The following POU6F2 variants were observed in gnomAD, a reference collection of about 807,000 sequenced individuals.
POU6F2 encodes POU class 6 homeobox 2.
A neutral mutation model predicts 71.3 loss-of-function variants in POU6F2; 31 were observed. That is an observed-to-expected ratio of 0.43 (90% CI 0.33 to 0.59). The LOEUF (loss-of-function observed/expected upper bound fraction) is 0.59, where lower values mean the gene tolerates loss of function less well. Ranked by LOEUF, POU6F2 falls within the 20% of genes least tolerant of loss-of-function variation. The pLI, the probability that POU6F2 is intolerant of heterozygous loss-of-function variation, is 0.04. For missense variants in POU6F2, 783 were observed against 856.8 expected (o/e 0.91, Z 1.07); for synonymous variants, 347 against 355.7 (o/e 0.98, Z 0.27).
intron 1 of POU6F2, among the ~76,000 whole-genome samples, chr7:39,051,143 A>G (rs893049633): frequency 7.1e-6 from 1 of 140,492 alleles, no homozygotes; most frequent in Non-Finnish European, 1.5e-5. Flanking sequence ...CATCTAGGAG[A>G]AGACAGAATT....
At chr7:39,133,000 G>C (rs1256862506) in intron 2 of POU6F2, among the ~76,000 whole-genome samples, 2 of 152,168 alleles carry the variant, frequency 1.3e-5, no homozygotes, top group Non-Finnish European at 2.9e-5. Flanking sequence ...TTTGACAAAA[G>C]TCCTGTAGAT....
At chr7:39,322,727 T>A (rs79536341) in intron 4 of POU6F2, among the ~76,000 whole-genome samples, 1 of 152,266 alleles carries the variant, frequency 6.6e-6, no homozygotes, top group African/African-American at 2.4e-5. Context: ...AGGATATGGC[T>A]CCAGATGCAT....
intron 5 of POU6F2, among the ~76,000 whole-genome samples, chr7:39,376,286 A>T (rs1415325552): frequency 6.6e-6 from 1 of 152,232 alleles, no homozygotes; most frequent in African/African-American, 2.4e-5. Flanking sequence ...TGCTCACTTA[A>T]GGACAGCAAA....
At chr7:39,100,382 T>C (rs1013195517) in intron 2 of POU6F2, among the ~76,000 whole-genome samples, 3 of 152,214 alleles carry the variant, frequency 2.0e-5, no homozygotes, top group Non-Finnish European at 4.4e-5. Flanking sequence ...CACATTTTGG[T>C]TGAGATCCGT....
At position 39,339,997 on chromosome 7, in the gene POU6F2, G is replaced by A. The variant is rs774648361; in HGVS notation, c.954G>A (p.Thr318=). Residue 318 remains threonine, a synonymous_variant, in exon 5 of 10, where the codon ACG becomes ACA. Coordinates refer to ENST00000518318, the MANE Select transcript of POU6F2 (RefSeq NM_001370959.1). ...GACATGGCCTGCCTTCACCGCTCAC[G>A]CCACCCAATCCTCTACAGGTATGCT... ...SPGHGLPSPL[T]PPNPLQLVNN... is the part of the protein sequence containing the mutation. 1.2e-5 allele frequency: 19 copies of A among 1,611,198 alleles called. No homozygotes were observed. Among genetic ancestry groups the A allele is most frequent in the East Asian group, 6.7e-5 (3 of 44,828 alleles).
Position 39,467,543 on chromosome 7 carries a change from G to T in POU6F2, c.*2857G>T, listed in dbSNP as rs779326009. The T allele has an allele frequency of 6.6e-6, 1 of 152,144 alleles. No homozygotes were observed. Among genetic ancestry groups the T allele is most frequent in the Non-Finnish European group, 1.5e-5 (1 of 68,014 alleles). 9.4% of individuals were successfully genotyped at this position (152,144 alleles called of 1,614,324 possible). The stretch of plus-strand genomic sequence containing the variant: ...TTTTCTCACATAATTTTTAATTATT[G>T]TTATCTGCATTTTCATTACTTCATG... On this transcript the variant is annotated 3_prime_UTR_variant, in exon 10 of 10. Transcript: ENST00000518318.
chr7:39,299,631 A>G (rs1326342171), intron 4 of POU6F2, among the ~76,000 whole-genome samples: 3 of 152,336 alleles, frequency 2.0e-5, no homozygotes, highest in Non-Finnish European at 4.4e-5. Context: ...GAATGTTGAA[A>G]TCTAAAAATC....
At chr7:39,306,296 A>G (rs1419805502) in intron 4 of POU6F2, among the ~76,000 whole-genome samples, 1 of 152,242 alleles carries the variant, frequency 6.6e-6, no homozygotes, top group Non-Finnish European at 1.5e-5. Flanking sequence ...ATAAACTCAC[A>G]AAGGAAATAA....
At chr7:39,283,392 C>T (rs561368962) in intron 4 of POU6F2, among the ~76,000 whole-genome samples, 2 of 152,154 alleles carry the variant, frequency 1.3e-5, no homozygotes, top group East Asian at 1.9e-4. Flanking sequence ...TCATCCCAAA[C>T]TCAAGCTCAG....
Position 39,202,462 on chromosome 7 carries a change from A to T in POU6F2, c.278-1773A>T, listed in dbSNP as rs904735018. 3.9e-5 allele frequency among the ~76,000 whole-genome samples: 6 copies of T among 152,356 alleles called. 1 individual carries two copies. Among genetic ancestry groups the T allele is most frequent in the East Asian group, 1.9e-4 (1 of 5,192 alleles). On this transcript the variant is annotated intron_variant, in intron 2 of 9. Transcript: ENST00000518318. Reference sequence around the variant, plus strand: ...AGTATGGGAAAACAACCAAATTTTTAAAAAATTGTGCATTTTTAGCCATTT... The same window carrying T: ...AGTATGGGAAAACAACCAAATTTTTTAAAAATTGTGCATTTTTAGCCATTT...
At chr7:39,032,918 G>A (rs1789977857) in intron 1 of POU6F2, among the ~76,000 whole-genome samples, 1 of 152,184 alleles carries the variant, frequency 6.6e-6, no homozygotes, top group South Asian at 2.1e-4. Context: ...GGATTCTCAG[G>A]CCTCAGCGTG....
chr7:39,222,376 A>G (rs1257862519), intron 4 of POU6F2, among the ~76,000 whole-genome samples: 1 of 152,212 alleles, frequency 6.6e-6, no homozygotes, highest in African/African-American at 2.4e-5. Flanking sequence ...AAGAGAAGAG[A>G]CTTTCCATGG....
chr7:39,330,604 T>C (rs1451778676), intron 4 of POU6F2, among the ~76,000 whole-genome samples: 2 of 152,206 alleles, frequency 1.3e-5, no homozygotes, highest in Non-Finnish European at 2.9e-5. Flanking sequence ...TCAGTGTGGA[T>C]TTTAGTGCCA....
chr7:39,146,734 T>C (rs952653810), intron 2 of POU6F2, among the ~76,000 whole-genome samples: 4 of 152,136 alleles, frequency 2.6e-5, no homozygotes, highest in Non-Finnish European at 5.9e-5. Context: ...GAAATTATTT[T>C]ATTTCTGATT....
At chr7:39,176,575 T>C (rs1793335033) in intron 2 of POU6F2, among the ~76,000 whole-genome samples, 1 of 152,172 alleles carries the variant, frequency 6.6e-6, no homozygotes, top group Admixed American at 6.5e-5. Context: ...AGCCTTTTCC[T>C]TTCCAAAATA....
At chr7:39,316,936 T>C (rs1447203138) in intron 4 of POU6F2, among the ~76,000 whole-genome samples, 1 of 152,122 alleles carries the variant, frequency 6.6e-6, no homozygotes, top group Non-Finnish European at 1.5e-5. Flanking sequence ...ACTTGAAAAG[T>C]GAGGGGCAAA....
intron 1 of POU6F2, among the ~76,000 whole-genome samples, chr7:39,068,490 C>CATATATATATATATATATATAT (rs3057275): frequency 0.016 from 2,330 of 146,138 alleles, 31 homozygotes; most frequent in African/African-American, 0.03. Flanking sequence ...CTAGTACATG[C>CATATATATATATATATATATAT]ATATATATAT....
intron 5 of POU6F2, among the ~76,000 whole-genome samples, chr7:39,364,178 G>C (rs11971775): frequency 0.56 from 84,999 of 151,766 alleles, 24,034 homozygotes; most frequent in East Asian, 0.75. Context: ...CCACAGGAAC[G>C]GAACACAGAC....
chr7:39,455,289 T>C (rs1788774471), intron 8 of POU6F2, among the ~76,000 whole-genome samples: 1 of 152,162 alleles, frequency 6.6e-6, no homozygotes, highest in African/African-American at 2.4e-5. Context: ...AAATGACTTA[T>C]AGTTAGCTCC....
Sources: allele counts gnomAD v4.1 joint callset (sites outside exome capture counted in the v4.1 genomes callset), GRCh38; gene constraint gnomAD v4.1.1; transcripts MANE v1.5; gene names NCBI Gene and HGNC (gene_info 2026-07-23, HGNC 2026-07-21).